CAST: variants seen among roughly 807,000 people sequenced by gnomAD.
The protein encoded by CAST is calpastatin, also known as MIR583 host.
Under a neutral mutation model 119.6 loss-of-function variants are expected in CAST, and 76 were observed. The ratio of observed to expected loss-of-function variants is 0.64; its 90% CI spans 0.53 to 0.77. CAST has a LOEUF of 0.77. CAST is among the 30% of genes least tolerant of loss of function. The pLI, the probability that CAST is intolerant of heterozygous loss-of-function variation, is 0.00. For synonymous variants in CAST, 319 were observed against 331.6 expected, an observed-to-expected ratio of 0.96 and a Z score of 0.41; for missense variants, 953 against 946.5, an observed-to-expected ratio of 1.01 and a Z score of -0.09.
At chr5:96,230,668 C>T in the CAST span, among the ~76,000 whole-genome samples, 2 of 152,022 alleles carry the variant, frequency 1.3e-5, no homozygotes, top group Admixed American at 6.6e-5. Context: ...AGGTTAAAAA[C>T]GTTTATGTTT....
At chr5:96,618,228 G>A (rs1317435786) in intron 1 of CAST, among the ~76,000 whole-genome samples, 1 of 152,220 alleles carries the variant, frequency 6.6e-6, no homozygotes, top group East Asian at 1.9e-4. Flanking sequence ...GCCCTCCTGG[G>A]AGATCTATCT....
At chr5:96,703,773 A>G (rs1754372254) in intron 3 of CAST, among the ~76,000 whole-genome samples, 1 of 152,176 alleles carries the variant, frequency 6.6e-6, no homozygotes, top group Admixed American at 6.5e-5. Flanking sequence ...CTGCTGTTTC[A>G]CATGTTTTTC....
chr5:96,741,688 C>A, intron 15 of CAST, 108 bp downstream of exon 15: 1 of 712,260 alleles, frequency 1.4e-6, no homozygotes, highest in Non-Finnish European at 2.4e-6. Context: ...TGATTTTTTC[C>A]CTCTCAGGTC....
At chr5:96,612,837 C>A (rs1561430199) in intron 1 of CAST, among the ~76,000 whole-genome samples, 1 of 152,082 alleles carries the variant, frequency 6.6e-6, no homozygotes. Flanking sequence ...ATGATATAAA[C>A]AAGAAGTCTA....
At chr5:96,256,275 A>G in the CAST span, among the ~76,000 whole-genome samples, 39 of 148,390 alleles carry the variant, frequency 2.6e-4, no homozygotes, top group South Asian at 4.2e-4. Flanking sequence ...AATATGTAAT[A>G]TATACTATAT....
chr5:96,265,759 C>T, the CAST span, among the ~76,000 whole-genome samples: 11 of 152,164 alleles, frequency 7.2e-5, no homozygotes, highest in Non-Finnish European at 7.4e-5. Flanking sequence ...GTGTAGTACA[C>T]ACTGTGGTTT....
the CAST span, among the ~76,000 whole-genome samples, chr5:96,235,160 C>T: frequency 6.6e-6 from 1 of 152,164 alleles, no homozygotes. Context: ...CCCAGGAGAG[C>T]TTTAGGAAGA....
chr5:96,204,376 C>T, the CAST span, among the ~76,000 whole-genome samples: 1 of 152,000 alleles, frequency 6.6e-6, no homozygotes, highest in South Asian at 2.1e-4. Context: ...GAGGTGTCTA[C>T]ACTGATGCAC....
At chr5:96,183,703 C>T in the CAST span, among the ~76,000 whole-genome samples, 1 of 151,954 alleles carries the variant, frequency 6.6e-6, no homozygotes, top group African/African-American at 2.4e-5. Context: ...TTTGGGGAGT[C>T]GCATTTACCC....
the CAST span, among the ~76,000 whole-genome samples, chr5:96,479,823 T>G: frequency 6.6e-6 from 1 of 151,976 alleles, no homozygotes; most frequent in East Asian, 1.9e-4. Flanking sequence ...GGAATTGTAG[T>G]AAATTATAGG....
the CAST span, among the ~76,000 whole-genome samples, chr5:96,422,273 A>T: frequency 6.6e-6 from 1 of 152,134 alleles, no homozygotes; most frequent in Admixed American, 6.6e-5. Flanking sequence ...CAGTTTTCAG[A>T]TGAGAAAATT....
At chr5:96,734,751 G>T (rs1464273496) in intron 9 of CAST, among the ~76,000 whole-genome samples, 1 of 152,112 alleles carries the variant, frequency 6.6e-6, no homozygotes, top group Non-Finnish European at 1.5e-5. Context: ...AAGTTCCCTG[G>T]GTACCATTGG....
At chr5:96,173,030 A>T in the CAST span, among the ~76,000 whole-genome samples, 1 of 152,236 alleles carries the variant, frequency 6.6e-6, no homozygotes, top group Non-Finnish European at 1.5e-5. Context: ...GTATTCTCTT[A>T]CAAGTCCATG....
chr5:96,205,558 C>A, the CAST span, among the ~76,000 whole-genome samples: 1 of 152,008 alleles, frequency 6.6e-6, no homozygotes, highest in Non-Finnish European at 1.5e-5. Flanking sequence ...TAAGTGAGAA[C>A]ATTTGGTGTT....
the CAST span, among the ~76,000 whole-genome samples, chr5:96,097,577 T>C: frequency 5.3e-5 from 8 of 152,108 alleles, 1 homozygote; most frequent in Non-Finnish European, 1.2e-4. Flanking sequence ...TGACAACATG[T>C]GGTATTTGGT....
chr5:96,737,105 C>T (rs1761821923), intron 10 of CAST, among the ~76,000 whole-genome samples: 2 of 152,180 alleles, frequency 1.3e-5, no homozygotes, highest in South Asian at 2.1e-4. Flanking sequence ...ATGATCCAGT[C>T]ACCTCCCTTC....
At chr5:96,407,337 AG>A in the CAST span, among the ~76,000 whole-genome samples, 1 of 152,256 alleles carries the variant, frequency 6.6e-6, no homozygotes, top group Non-Finnish European at 1.5e-5. Context: ...AAAGAGCTGA[AG>A]GGTATGAAAT....
At chr5:96,260,011 C>T in the CAST span, among the ~76,000 whole-genome samples, 4 of 151,972 alleles carry the variant, frequency 2.6e-5, no homozygotes, top group East Asian at 7.7e-4. Context: ...CATCAGAGTC[C>T]CATTTTCCAT....
the CAST span, among the ~76,000 whole-genome samples, chr5:96,008,102 A>C: frequency 1.3e-5 from 2 of 152,174 alleles, no homozygotes; most frequent in Admixed American, 1.3e-4. Flanking sequence ...AGCCTCTAAA[A>C]CTGTAAGAAA....
Sources: gnomAD v4.1 joint callset for allele counts (sites outside exome capture counted in the v4.1 genomes callset) on GRCh38, gnomAD v4.1.1 for gene constraint, MANE v1.5 for transcripts, NCBI Gene and HGNC (gene_info 2026-07-23, HGNC 2026-07-21) for gene names.